Variants in SUMF1 observed in about 807,000 individuals in gnomAD.
SUMF1 encodes formylglycine-generating enzyme.
A neutral mutation model predicts 47.6 loss-of-function variants in SUMF1; 48 were observed. The ratio of observed to expected loss-of-function variants is 1.01; its 90% CI spans 0.80 to 1.28. The LOEUF is 1.28. SUMF1 is among the 50% of genes most tolerant of loss of function. The probability of loss-of-function intolerance (pLI) is 0.00; values close to 1 mark genes in which losing one functional copy is unlikely to be tolerated. For missense variants in SUMF1, 571 were observed against 485.4 expected, an observed-to-expected ratio of 1.18 and a Z score of -1.66; for synonymous variants, 230 against 192.1, an observed-to-expected ratio of 1.20 and a Z score of -1.63.
At chr3:4,259,635 A>T (rs1003011631) in intron 8 of SUMF1, among the ~76,000 whole-genome samples, 3 of 152,176 alleles carry the variant, frequency 2.0e-5, no homozygotes, top group Non-Finnish European at 4.4e-5. Flanking sequence ...GGAACAATCT[A>T]AGAAGGGAAT....
At chr3:4,297,584 T>TG (rs2125061030) in intron 8 of SUMF1, among the ~76,000 whole-genome samples, 1 of 149,542 alleles carries the variant, frequency 6.7e-6, no homozygotes. Context: ...TTTTTTTTTT[T>TG]TGAGATGGAG....
intron 8 of SUMF1, among the ~76,000 whole-genome samples, chr3:4,282,130 A>G (rs1697541665): frequency 6.6e-6 from 1 of 152,162 alleles, no homozygotes; most frequent in African/African-American, 2.4e-5. Context: ...GTGGGTTGAA[A>G]AGACAGTTAA....
At chr3:4,432,758 T>A (rs181856706) in intron 3 of SUMF1, among the ~76,000 whole-genome samples, 128 of 152,356 alleles carry the variant, frequency 8.4e-4, no homozygotes, top group African/African-American at 2.9e-3. Context: ...TAGAGTCTGT[T>A]CCTTATTAGA....
rs1161327315 is a variant in SUMF1, at chr3:4,094,702, C to G, written c.1015-25957G>C. Among the ~76,000 whole-genome samples, 6 of 152,050 alleles carry G rather than the reference C, an allele frequency of 3.9e-5. 1 individual carries two copies. The highest frequency in any genetic ancestry group is 8.8e-5 in the Non-Finnish European group (6 of 68,004). On this transcript the variant is annotated intron_variant and NMD_transcript_variant, in intron 8 of 12. Transcript: ENST00000448413. ...TGGTGAAGGGGTGCCAGCCTGTGCTCAAAACCAATGTCAGTGAGAAGGTTG... is the reference window on the plus strand; with the variant it reads ...TGGTGAAGGGGTGCCAGCCTGTGCTGAAAACCAATGTCAGTGAGAAGGTTG...
intron 8 of SUMF1, among the ~76,000 whole-genome samples, chr3:4,307,380 C>T (rs1303998997): frequency 6.6e-6 from 1 of 152,144 alleles, no homozygotes; most frequent in Non-Finnish European, 1.5e-5. Flanking sequence ...ACCTCATAAC[C>T]ATGCTTTTCC....
chr3:4,224,981 G>A (rs1444454171), intron 8 of SUMF1, among the ~76,000 whole-genome samples: 1 of 151,992 alleles, frequency 6.6e-6, no homozygotes, highest in East Asian at 1.9e-4. Context: ...TTCAAATTGG[G>A]TTTGTCTTGG....
intron 8 of SUMF1, among the ~76,000 whole-genome samples, chr3:4,148,597 T>C (rs759994505): frequency 5.9e-5 from 9 of 152,166 alleles, no homozygotes; most frequent in Non-Finnish European, 5.9e-5. Context: ...TTTTAGCCTT[T>C]GCAAGCCATG....
At chr3:4,419,555 T>A (rs1233095367) in intron 4 of SUMF1, among the ~76,000 whole-genome samples, 1 of 152,148 alleles carries the variant, frequency 6.6e-6, no homozygotes, top group Non-Finnish European at 1.5e-5. Context: ...CCTGGAGACT[T>A]GCTGACCGAC....
chr3:4,119,437 C>T (rs765213282), intron 8 of SUMF1, among the ~76,000 whole-genome samples: 2 of 152,072 alleles, frequency 1.3e-5, no homozygotes, highest in Non-Finnish European at 2.9e-5. Context: ...AGAACCTGTG[C>T]CCCAGACACA....
At chr3:4,117,695 T>C (rs1035974000) in intron 8 of SUMF1, among the ~76,000 whole-genome samples, 1 of 151,972 alleles carries the variant, frequency 6.6e-6, no homozygotes, top group African/African-American at 2.4e-5. Context: ...TGAGAAAATA[T>C]TTGTGAAAAT....
At chr3:4,356,541 T>C (rs1216831564), downstream of SUMF1, among the ~76,000 whole-genome samples, 1 of 152,108 alleles carries the variant, frequency 6.6e-6, no homozygotes, top group African/African-American at 2.4e-5. Flanking sequence ...AGTACATTAC[T>C]TACTTGATCA....
chr3:4,389,672 C>T (rs9990361), intron 7 of SUMF1, among the ~76,000 whole-genome samples: 47,847 of 152,014 alleles, frequency 0.31, 8,018 homozygotes, highest in Non-Finnish European at 0.37. Flanking sequence ...CTTTCCACTG[C>T]TCAGACTGGG....
At chr3:4,232,805 T>C (rs1379420979) in intron 8 of SUMF1, among the ~76,000 whole-genome samples, 1 of 152,074 alleles carries the variant, frequency 6.6e-6, no homozygotes, top group African/African-American at 2.4e-5. Context: ...TGTTGTGCGT[T>C]AAGAAAGAAT....
chr3:4,193,791 G>T (rs1056363923), intron 8 of SUMF1, among the ~76,000 whole-genome samples: 2 of 152,014 alleles, frequency 1.3e-5, no homozygotes, highest in African/African-American at 4.8e-5. Context: ...GTGACCACAG[G>T]CAAGTCTTAA....
At chr3:4,420,602 T>A (rs1437274263) in intron 3 of SUMF1, among the ~76,000 whole-genome samples, 2 of 152,044 alleles carry the variant, frequency 1.3e-5, no homozygotes, top group Non-Finnish European at 1.5e-5. Flanking sequence ...TTCACTCTGT[T>A]AGCCAGGATG....
intron 8 of SUMF1, among the ~76,000 whole-genome samples, chr3:4,182,784 G>T (rs772655711): frequency 2.6e-5 from 4 of 152,132 alleles, no homozygotes; most frequent in African/African-American, 7.2e-5. Flanking sequence ...GTTAATATTA[G>T]TACTATGCTT....
chr3:4,314,566 A>G (rs1398014790), intron 8 of SUMF1, among the ~76,000 whole-genome samples: 1 of 111,386 alleles, frequency 9.0e-6, no homozygotes, highest in Non-Finnish European at 1.7e-5. Context: ...CACATTGTAA[A>G]TTTTTCATTT....
rs1487159473 is a variant in SUMF1 at position 4,410,980 on chromosome 3, T to C, written c.841-2A>G. On this transcript the variant is annotated splice_acceptor_variant, in intron 6 of 8. Coordinates refer to ENST00000272902, the MANE Select transcript of SUMF1 (RefSeq NM_182760.4). LOFTEE classifies it high-confidence loss of function. ...ACCATTGGGAGGGAAGGCATCAACC[T>C]AAAAACAAAGACAGGAAAAATGCTG... is the stretch of plus-strand genomic sequence containing the variant. 1 of 1,613,054 alleles carries C rather than the reference T, an allele frequency of 6.2e-7. No individual in the cohort carries two copies. Among genetic ancestry groups the C allele is most frequent in the Non-Finnish European group, 8.5e-7 (1 of 1,179,010 alleles).
intron 8 of SUMF1, among the ~76,000 whole-genome samples, chr3:4,232,825 A>T (rs77141084): frequency 4.6e-5 from 7 of 152,192 alleles, no homozygotes; most frequent in African/African-American, 1.7e-4. Flanking sequence ...TGGGATTCCA[A>T]TGCAGGTGTT....
Sources: allele counts gnomAD v4.1 joint callset (sites outside exome capture counted in the v4.1 genomes callset), GRCh38; gene constraint gnomAD v4.1.1; transcripts MANE v1.5; gene names NCBI Gene and HGNC (gene_info 2026-07-23, HGNC 2026-07-21).